The following PRUNE2 variants were observed in gnomAD, a reference collection of about 807,000 sequenced individuals.
PRUNE2 encodes the protein protein prune homolog 2.
In PRUNE2, 164 loss-of-function variants were observed where a neutral mutation model predicts 252.0. That is an observed-to-expected ratio of 0.65 (90% CI 0.57 to 0.74). The LOEUF (loss-of-function observed/expected upper bound fraction) is 0.74, where lower values mean the gene tolerates loss of function less well. PRUNE2 is among the 30% of genes least tolerant of loss of function. The probability of loss-of-function intolerance (pLI) is 0.00; values close to 1 mark genes in which losing one functional copy is unlikely to be tolerated. For missense variants in PRUNE2, 3,495 were observed against 3,711.0 expected, an observed-to-expected ratio of 0.94 and a Z score of 1.51; for synonymous variants, 1,292 against 1,350.2, an observed-to-expected ratio of 0.96 and a Z score of 0.94.
intron 9 of PRUNE2, chr9:76,692,084 T>C (rs1340670417): frequency 2.8e-6 from 2 of 717,402 alleles, no homozygotes; most frequent in Non-Finnish European, 5.2e-6. Context: ...CTTCTGAGGA[T>C]GAGAGGAGGC....
At chr9:76,724,295 T>C (rs1342003586) in intron 6 of PRUNE2, among the ~76,000 whole-genome samples, 1 of 79,194 alleles carries the variant, frequency 1.3e-5, no homozygotes, top group Non-Finnish European at 2.5e-5. Flanking sequence ...CTGTCTCTGA[T>C]AGAAATACAA....
chr9:76,707,758 A>G lies in PRUNE2; in HGVS notation c.4516T>C (p.Cys1506Arg), dbSNP rs680775. Reference sequence around the variant, plus strand: ...TCAAGATTTTTGGTTATCTCAGAACATGTGCTGCTGACATGCACATCACTG... The same window carrying G: ...TCAAGATTTTTGGTTATCTCAGAACGTGTGCTGCTGACATGCACATCACTG... ...IDSDVHVSST[C>R]SEITKNLDVK... Residue 1506 changes from cysteine (C) to arginine (R), a missense_variant, in exon 8 of 19, where the codon TGT becomes CGT. Coordinates refer to ENST00000376718, the MANE Select transcript of PRUNE2 (RefSeq NM_015225.3). 1,249,773 of 1,613,106 alleles carry G rather than the reference A, an allele frequency of 0.77. 486,008 individuals are homozygous for G. Among genetic ancestry groups the G allele is most frequent in the East Asian group, 0.96 (42,862 of 44,874 alleles).
intron 15 of PRUNE2, among the ~76,000 whole-genome samples, chr9:76,631,346 G>T (rs1027370546): frequency 1.3e-5 from 2 of 152,158 alleles, no homozygotes; most frequent in African/African-American, 4.8e-5. Flanking sequence ...TGTATCTGGC[G>T]TTTTGTCTAC....
chr9:76,629,685 T>C lies in PRUNE2; in HGVS notation c.9051-395A>G, dbSNP rs116381106. Among the ~76,000 whole-genome samples, 1,375 of 152,234 alleles carry C rather than the reference T, an allele frequency of 9.0e-3. 19 individuals carry two copies. Among genetic ancestry groups the C allele is most frequent in the African/African-American group, 0.032 (1,316 of 41,512 alleles). On this transcript the variant is annotated intron_variant, in intron 15 of 18. Transcript: ENST00000376718. ...ATTGTTATTAGCTCTGGTCACCATG[T>C]TGTTCAATAGGGCTCTGGAACTTAT...
At chr9:76,897,880 G>C (rs12378494) in intron 1 of PRUNE2, among the ~76,000 whole-genome samples, 2 of 152,312 alleles carry the variant, frequency 1.3e-5, no homozygotes, top group African/African-American at 4.8e-5. Flanking sequence ...AGACAGCTAA[G>C]AATTGTTCCT....
Position 76,708,310 on chromosome 9 carries a change from C to T in PRUNE2, c.3964G>A (p.Gly1322Arg). The T allele has an allele frequency of 6.2e-7, 1 of 1,613,810 alleles. No homozygotes were observed. The change falls in exon 8 of 19, where the codon GGA becomes AGA. Residue 1322 changes from glycine (G) to arginine (R), a missense_variant. By Grantham distance (125) the Gly-to-Arg change is moderately radical. Transcript: ENST00000376718. ...GCTTCCTTCTCACTTTCACTTTGTC[C>T]ATCGCCATGACCTTTCCATGGATCT... ...HPDPWKGHGD[G>R]QSESEKEAQG...
chr9:76,705,777 G>C lies in PRUNE2; in HGVS notation c.6497C>G (p.Thr2166Ser), dbSNP rs748802656. 5.6e-6 allele frequency: 9 copies of C among 1,613,824 alleles called. No individual in the cohort carries two copies. In the South Asian group the frequency reaches 8.8e-5, roughly 16 times the overall value. The change falls in exon 8 of 19, where the codon ACT (threonine) becomes AGT (serine). Residue 2166 changes from threonine (T) to serine (S), a missense_variant. Transcript: ENST00000376718. ...TTGATAGCCAATTGGAGGCAGCACA[G>C]TTGCGTTTTCAGAATCGAGTTCTGC... ...SNAELDSENATVLPPIGYQAD... is the reference protein window; with the variant it reads ...SNAELDSENASVLPPIGYQAD...
intron 9 of PRUNE2, among the ~76,000 whole-genome samples, chr9:76,695,798 T>C (rs954627435): frequency 6.6e-6 from 1 of 152,134 alleles, no homozygotes; most frequent in Non-Finnish European, 1.5e-5. Context: ...GGTACCGTGA[T>C]GAACAAGACA....
intron 6 of PRUNE2, among the ~76,000 whole-genome samples, chr9:76,745,986 T>C (rs753772895): frequency 3.3e-5 from 5 of 152,220 alleles, no homozygotes; most frequent in African/African-American, 4.8e-5. Flanking sequence ...TGTCCTGAGC[T>C]TGAAGAGAGA....
intron 6 of PRUNE2, among the ~76,000 whole-genome samples, chr9:76,818,802 T>C (rs2057852905): frequency 6.6e-6 from 1 of 152,172 alleles, no homozygotes; most frequent in South Asian, 2.1e-4. Flanking sequence ...AAATTTTAAG[T>C]TTTATTCTTT....
intron 4 of PRUNE2, among the ~76,000 whole-genome samples, chr9:76,840,145 C>T (rs2132322482): frequency 6.6e-6 from 1 of 150,592 alleles, no homozygotes; most frequent in Middle Eastern, 3.4e-3. Context: ...AACAAAGTCA[C>T]TTAAAGATAG....
chr9:76,829,373 G>C (rs1470051072), intron 4 of PRUNE2, among the ~76,000 whole-genome samples: 1 of 152,116 alleles, frequency 6.6e-6, no homozygotes, highest in African/African-American at 2.4e-5. Context: ...TAAAGTTTAG[G>C]GCCCTCTACA....
intron 6 of PRUNE2, among the ~76,000 whole-genome samples, chr9:76,746,185 T>A (rs1353225311): frequency 6.6e-6 from 1 of 152,174 alleles, no homozygotes; most frequent in Non-Finnish European, 1.5e-5. Context: ...GGGATAAGAC[T>A]GTCTTATCTC....
chr9:76,865,806 TACACACACACAC>T (rs34661457), intron 1 of PRUNE2, among the ~76,000 whole-genome samples: 12 of 127,214 alleles, frequency 9.4e-5, no homozygotes, highest in South Asian at 2.6e-4. Flanking sequence ...TCTCTCTCCC[TACACACACACAC>T]ACACACACAC....
intron 9 of PRUNE2, among the ~76,000 whole-genome samples, chr9:76,679,487 A>G (rs953504903): frequency 2.6e-5 from 4 of 152,220 alleles, no homozygotes; most frequent in Non-Finnish European, 5.9e-5. Flanking sequence ...ACAGTATAGT[A>G]CTGGCATAAA....
Position 76,703,939 on chromosome 9 carries a change from A to C in PRUNE2, c.7674T>G (p.Asn2558Lys), listed in dbSNP as rs562742243. The part of the protein sequence containing the change: ...MDYILVNREE[N>K]SHSKPETCEE... ...CACAGGTCTCTGGCTTTGAGTGTGA[A>C]TTTTCTTCACGGTTTACAAGTATGT... is the stretch of plus-strand genomic sequence containing the variant. The change falls in exon 9 of 19, where the codon AAT becomes AAG. Residue 2558 changes from asparagine (N) to lysine (K), a missense_variant. Transcript: ENST00000376718. The C allele has an allele frequency of 1.4e-5, 23 of 1,613,478 alleles. No homozygotes were observed. In the East Asian group the frequency reaches 2.7e-4, roughly 19 times the overall value.
intron 9 of PRUNE2, among the ~76,000 whole-genome samples, chr9:76,690,231 A>G (rs1466802661): frequency 6.6e-6 from 1 of 152,130 alleles, no homozygotes; most frequent in Admixed American, 6.6e-5. Flanking sequence ...CCCAACTACC[A>G]ATTACCCTTA....
rs201687441 is a variant in PRUNE2, at chr9:76,706,774, G to A, written c.5500C>T (p.Pro1834Ser). ...CTTTCAATTAGTCTCCCTTCCTGGGGTGAGGCCTTCCACCACTCAGTGCTA... is the reference window on the plus strand; with the variant it reads ...CTTTCAATTAGTCTCCCTTCCTGGGATGAGGCCTTCCACCACTCAGTGCTA... ...ADSTEWWKAS[P>S]QEGRLIESPF... Residue 1834 changes from proline (P) to serine (S), a missense_variant, in exon 8 of 19, where the codon CCC (proline) becomes TCC (serine). Physicochemically the swap from Pro to Ser is moderately conservative, Grantham distance 74. Transcript: ENST00000376718. 4.6e-4 allele frequency: 744 copies of A among 1,611,068 alleles called. No individual in the cohort carries two copies. The highest frequency in any genetic ancestry group is 6.1e-4 in the Non-Finnish European group (721 of 1,178,548).
Position 76,705,709 on chromosome 9 carries a change from A to G in PRUNE2, c.6565T>C (p.Ser2189Pro). 3 of 1,614,028 alleles carry G rather than the reference A, an allele frequency of 1.9e-6. No individual in the cohort carries two copies. Among genetic ancestry groups the G allele is most frequent in the Non-Finnish European group, 2.5e-6 (3 of 1,179,904 alleles). The change falls in exon 8 of 19, where the codon TCA (serine) becomes CCA (proline). Residue 2189 changes from serine (S) to proline (P), a missense_variant. By Grantham distance (74) the Ser-to-Pro change is moderately conservative (BLOSUM62 -1). Transcript: ENST00000376718. ...GSSQPASHKG[S>P]PEPSEINGDN... The stretch of plus-strand genomic sequence containing the variant: ...CCGTTTATTTCAGAAGGTTCAGGTG[A>G]ACCTTTATGAGAGGCGGGCTGAGAG...
Sources: allele counts gnomAD v4.1 joint callset (sites outside exome capture counted in the v4.1 genomes callset), GRCh38; gene constraint gnomAD v4.1.1; transcripts MANE v1.5; gene names NCBI Gene and HGNC (gene_info 2026-07-23, HGNC 2026-07-21).